Variants in LRCH1 observed in about 807,000 individuals in gnomAD.
LRCH1 encodes leucine rich repeats and calponin homology domain containing 1, also known as leucine-rich repeat and calponin homology domain-containing protein 1.
In LRCH1, 23 loss-of-function variants were observed where a neutral mutation model predicts 94.9. The ratio of observed to expected loss-of-function variants is 0.24; its 90% CI spans 0.17 to 0.34. The LOEUF is 0.34. LRCH1 is among the 10% of genes least tolerant of loss of function. LRCH1 has a pLI of 1.00. For missense variants in LRCH1, 790 were observed against 945.9 expected, an observed-to-expected ratio of 0.84 and a Z score of 2.16; for synonymous variants, 364 against 354.9, an observed-to-expected ratio of 1.03 and a Z score of -0.29.
chr13:46,670,656 C>CCCG (rs923921131), intron 3 of LRCH1, among the ~76,000 whole-genome samples: 2 of 151,472 alleles, frequency 1.3e-5, no homozygotes, highest in South Asian at 2.1e-4. Flanking sequence ...ACTGCCCATC[C>CCCG]CCCCCCAACC....
intron 1 of LRCH1, among the ~76,000 whole-genome samples, chr13:46,623,491 G>C (rs2050904703): frequency 6.6e-6 from 1 of 152,012 alleles, no homozygotes; most frequent in African/African-American, 2.4e-5. Context: ...CCAATCTCTA[G>C]CTTCCTTTAT....
At chr13:46,569,675 G>A (rs949545645) in intron 1 of LRCH1, among the ~76,000 whole-genome samples, 1 of 152,038 alleles carries the variant, frequency 6.6e-6, no homozygotes, top group South Asian at 2.1e-4. Context: ...GGTATCTGGC[G>A]CCAACCCGCT....
At chr13:46,664,608 C>G (rs1168570890) in intron 2 of LRCH1, among the ~76,000 whole-genome samples, 1 of 152,118 alleles carries the variant, frequency 6.6e-6, no homozygotes, top group East Asian at 1.9e-4. Context: ...CATGATGAAG[C>G]ATTTTAAAGA....
At chr13:46,632,351 T>C (rs1217756162) in intron 1 of LRCH1, among the ~76,000 whole-genome samples, 2 of 152,240 alleles carry the variant, frequency 1.3e-5, no homozygotes, top group Non-Finnish European at 2.9e-5. Flanking sequence ...TTTTTGAGCC[T>C]GGTGCCATAT....
At chr13:46,718,844 A>C (rs1872454462) in intron 16 of LRCH1, among the ~76,000 whole-genome samples, 2 of 152,246 alleles carry the variant, frequency 1.3e-5, no homozygotes. Flanking sequence ...TTAAAACTTC[A>C]TGTTTCCACA....
intron 1 of LRCH1, among the ~76,000 whole-genome samples, chr13:46,584,329 C>T (rs754591293): frequency 6.6e-6 from 1 of 152,178 alleles, no homozygotes; most frequent in African/African-American, 2.4e-5. Flanking sequence ...GGTCCATGCA[C>T]CAGCAGCACC....
chr13:46,693,567 G>A (rs1593357095), intron 8 of LRCH1, among the ~76,000 whole-genome samples: 1 of 152,298 alleles, frequency 6.6e-6, no homozygotes, highest in East Asian at 1.9e-4. Context: ...CCAGTCAGGT[G>A]ACCTTGATTC....
At position 46,553,186 on chromosome 13, in the gene LRCH1, CG is replaced by C; in HGVS notation, c.-207del. The C allele has an allele frequency of 1.8e-6, 1 of 570,838 alleles. No individual in the cohort carries two copies. The highest frequency in any genetic ancestry group is 3.1e-6 in the Non-Finnish European group (1 of 327,638). The allele number at this position is 570,838 out of a possible 1,614,324, so 35.4% of individuals were successfully genotyped here. ...GCCGCCGCCGCAGTCCTTAGCTTCC[CG>C]GGGACAGGAAACCTTCAAGACCGAG... On this transcript the variant is annotated 5_prime_UTR_variant, in exon 1 of 20. Transcript: ENST00000389797.
At chr13:46,741,030 T>C (rs1475696273) in intron 19 of LRCH1, among the ~76,000 whole-genome samples, 1 of 152,200 alleles carries the variant, frequency 6.6e-6, no homozygotes, top group Admixed American at 6.5e-5. Flanking sequence ...GACTTTTGGT[T>C]AATGTGTTGT....
At chr13:46,619,114 T>TCCTTCC (rs199724868) in intron 1 of LRCH1, among the ~76,000 whole-genome samples, 22 of 10,656 alleles carry the variant, frequency 2.1e-3, no homozygotes, top group African/African-American at 4.1e-3. Flanking sequence ...CTTCCTTCCT[T>TCCTTCC]TTTTTTGGTT....
At chr13:46,572,194 C>G in intron 1 of LRCH1, among the ~76,000 whole-genome samples, 1 of 152,240 alleles carries the variant, frequency 6.6e-6, no homozygotes, top group East Asian at 1.9e-4. Context: ...CCTGGGGACT[C>G]CCTGACCCTG....
intron 1 of LRCH1, among the ~76,000 whole-genome samples, chr13:46,596,261 G>C (rs1444374184): frequency 6.6e-6 from 1 of 152,192 alleles, no homozygotes; most frequent in Non-Finnish European, 1.5e-5. Context: ...AAGAAACACT[G>C]TGATCCTAAT....
intron 2 of LRCH1, among the ~76,000 whole-genome samples, chr13:46,652,107 T>C (rs1351853240): frequency 6.6e-5 from 9 of 136,494 alleles, no homozygotes; most frequent in East Asian, 2.3e-4. Flanking sequence ...GACGGAGTCT[T>C]GCTCTGTCGC....
intron 3 of LRCH1, among the ~76,000 whole-genome samples, chr13:46,670,895 G>A (rs894035707): frequency 1.1e-4 from 17 of 152,162 alleles, no homozygotes; most frequent in African/African-American, 2.9e-4. Flanking sequence ...AGTCCATGTC[G>A]TGCTTGGGAG....
chr13:46,710,909 C>T (rs1229389234), intron 13 of LRCH1, among the ~76,000 whole-genome samples: 3 of 152,006 alleles, frequency 2.0e-5, no homozygotes, highest in Admixed American at 1.3e-4. Context: ...CTTGTTTCTG[C>T]GTGTCCCTTT....
chr13:46,733,844 A>G, intron 18 of LRCH1, 77 bp from the exon 19 acceptor site: 1 of 819,942 alleles, frequency 1.2e-6, no homozygotes, highest in Non-Finnish European at 1.9e-6. Flanking sequence ...GCCATTTGGG[A>G]AGTTTAAAAT....
chr13:46,555,853 G>A (rs1014385548), intron 1 of LRCH1, among the ~76,000 whole-genome samples: 1 of 152,152 alleles, frequency 6.6e-6, no homozygotes, highest in African/African-American at 2.4e-5. Flanking sequence ...CAAAAGCTAG[G>A]TGTAAACCAC....
chr13:46,739,794 C>G (rs1873561532), intron 19 of LRCH1, among the ~76,000 whole-genome samples: 1 of 152,118 alleles, frequency 6.6e-6, no homozygotes, highest in Admixed American at 6.5e-5. Context: ...CTAGGTCTCA[C>G]CCACTTTAAT....
intron 3 of LRCH1, among the ~76,000 whole-genome samples, chr13:46,672,363 C>T (rs953958470): frequency 4.6e-5 from 7 of 151,948 alleles, no homozygotes; most frequent in East Asian, 1.9e-4. Context: ...TTTGAGGTCC[C>T]GTGCAGATGG....
Sources: allele counts gnomAD v4.1 joint callset (sites outside exome capture counted in the v4.1 genomes callset), GRCh38; gene constraint gnomAD v4.1.1; transcripts MANE v1.5; gene names NCBI Gene and HGNC (gene_info 2026-07-23, HGNC 2026-07-21).